The following VCAN variants were observed in gnomAD, a reference collection of about 807,000 sequenced individuals.
VCAN encodes the protein versican, also known as versican core protein.
Under a neutral mutation model 245.5 loss-of-function variants are expected in VCAN, and 44 were observed. The observed-to-expected ratio is 0.18, with a 90% CI of 0.14 to 0.23. VCAN has a LOEUF of 0.23. VCAN is among the 10% of genes least tolerant of loss of function. The pLI, the probability that VCAN is intolerant of heterozygous loss-of-function variation, is 1.00. For missense variants in VCAN, 3,793 were observed against 4,057.9 expected (o/e 0.93, Z 1.77); for synonymous variants, 1,413 against 1,437.0 (o/e 0.98, Z 0.38).
At chr5:83,515,861 G>A (rs375377912) in intron 6 of VCAN, among the ~76,000 whole-genome samples, 39 of 152,156 alleles carry the variant, frequency 2.6e-4, no homozygotes, top group Admixed American at 2.6e-4. Context: ...ACCTTTCCCC[G>A]ATTGGTATAT....
chr5:83,573,777 A>G lies in VCAN; in HGVS notation c.9880+1217A>G, dbSNP rs550279920. On this transcript the variant is annotated intron_variant, in intron 13 of 14. Coordinates refer to ENST00000265077, the MANE Select transcript of VCAN (RefSeq NM_004385.5). ...GGTTGTAATTGTGTGCACCAGCTTT[A>G]TAACGGTGGTCATCTGAAATACCAT... Among the ~76,000 whole-genome samples, 12 of 152,288 alleles carry G rather than the reference A, an allele frequency of 7.9e-5. No homozygotes were observed. In the South Asian group the frequency reaches 2.3e-3, roughly 29 times the overall value.
chr5:83,554,789 G>A (rs999117744), intron 11 of VCAN, among the ~76,000 whole-genome samples, 167 bp from the exon 12 acceptor site: 1 of 151,956 alleles, frequency 6.6e-6, no homozygotes, highest in African/African-American at 2.4e-5. Context: ...AAGCACATTG[G>A]GCAGAAGAAC....
rs765865001 is a variant in VCAN at position 83,541,377 on chromosome 5, G to A, written c.8374G>A (p.Val2792Ile). 1.9e-6 allele frequency: 3 copies of A among 1,613,978 alleles called. No homozygotes were observed. The African/African-American group carries it at 4.0e-5, about 22-fold the overall frequency. ...TACTACCCACCTTATGGATCAGAGT[G>A]TAACAGAGGTGCCTGATGTGATGGA... ...IATTHLMDQS[V>I]TEVPDVMEGS... Residue 2792 changes from valine (V) to isoleucine (I), a missense_variant, in exon 8 of 15, where the codon GTA becomes ATA. By Grantham distance (29) the Val-to-Ile change is conservative. Transcript: ENST00000265077.
At chr5:83,477,947 T>C (rs1198595324) in intron 1 of VCAN, among the ~76,000 whole-genome samples, 7 of 146,476 alleles carry the variant, frequency 4.8e-5, no homozygotes, top group Non-Finnish European at 8.8e-5. Flanking sequence ...AAAATAATTT[T>C]TTTCTTTTTT....
chr5:83,519,212 C>T lies in VCAN; in HGVS notation c.1043-137C>T, dbSNP rs890598056. ...GGTTAATTCAAGTATAGTTTTAAGA[C>T]TCCTCTCCATCACAGAACATTTCTG... is the stretch of plus-strand genomic sequence containing the variant. On this transcript the variant is annotated intron_variant, in intron 6 of 14. Transcript: ENST00000265077. 36 of 757,374 alleles carry T rather than the reference C, an allele frequency of 4.8e-5. No homozygotes were observed. The African/African-American group carries it at 5.6e-4, about 12-fold the overall frequency. The allele number at this position is 757,374 out of a possible 1,614,324, so 46.9% of individuals were successfully genotyped here.
chr5:83,476,538 A>G (rs140418479), intron 1 of VCAN, among the ~76,000 whole-genome samples: 14 of 152,326 alleles, frequency 9.2e-5, no homozygotes, highest in African/African-American at 3.4e-4. Context: ...AACACAAAGC[A>G]TGTACTCTCC....
intron 13 of VCAN, among the ~76,000 whole-genome samples, chr5:83,576,606 A>C (rs2112505891): frequency 6.6e-6 from 1 of 152,248 alleles, no homozygotes; most frequent in East Asian, 1.9e-4. Flanking sequence ...TTGCTGAGTC[A>C]TAGGATATAT....
chr5:83,522,084 C>T lies in VCAN; in HGVS notation c.3778C>T (p.Pro1260Ser). The T allele has an allele frequency of 6.2e-7, 1 of 1,614,192 alleles. No individual in the cohort carries two copies. Among genetic ancestry groups the T allele is most frequent in the Non-Finnish European group, 8.5e-7 (1 of 1,180,032 alleles). Residue 1260 changes from proline to serine, a missense_variant, in exon 7 of 15, where the codon CCC becomes TCC. Pro to Ser is a moderately conservative substitution (Grantham distance 74, BLOSUM62 -1). This residue lies in a region of VCAN where 3,182 missense variants were observed against 3,250.3 expected (regional missense o/e 0.98). Transcript: ENST00000265077. ...IIGESTSHVP[P>S]TTLEDIVAKE... ...TGGAGAATCAACATCTCATGTTCCT[C>T]CCACTACCCTTGAAGATATTGTAGC...
At chr5:83,552,084 CAG>C (rs1221186705) in intron 10 of VCAN, among the ~76,000 whole-genome samples, 1 of 152,188 alleles carries the variant, frequency 6.6e-6, no homozygotes, top group African/African-American at 2.4e-5. Flanking sequence ...ATACTGCTCT[CAG>C]ATAAGCTGCA....
Position 83,545,670 on chromosome 5 carries a change from A to G in VCAN, c.9379+20A>G, listed in dbSNP as rs763923706. ...AACTTGGTAAGATGGTACTTGGCTG[A>G]AAAGGTGCAGTTCTTTCACAGAAGA... is the stretch of plus-strand genomic sequence containing the variant. On this transcript the variant is annotated intron_variant, in intron 9 of 14. Coordinates refer to ENST00000265077, the MANE Select transcript of VCAN (RefSeq NM_004385.5). The G allele has an allele frequency of 6.4e-7, 1 of 1,573,216 alleles. No individual in the cohort carries two copies. Among genetic ancestry groups the G allele is most frequent in the South Asian group, 1.1e-5 (1 of 90,248 alleles).
chr5:83,520,447 G>A lies in VCAN; in HGVS notation c.2141G>A (p.Gly714Glu). 1 of 1,613,850 alleles carries A rather than the reference G, an allele frequency of 6.2e-7. No homozygotes were observed. Among genetic ancestry groups the A allele is most frequent in the Non-Finnish European group, 8.5e-7 (1 of 1,179,920 alleles). ...GAGATCACTAAAAGTCCATTTATGG[G>A]AAAAACAGAAGAAGAAGTCTTCTCT... Reference protein sequence around the residue: ...QEEITKSPFMGKTEEEVFSGM... With the variant: ...QEEITKSPFMEKTEEEVFSGM... Residue 714 changes from glycine (G) to glutamate (E), a missense_variant, in exon 7 of 15, where the codon GGA (glycine) becomes GAA (glutamate). Physicochemically the swap from Gly to Glu is moderately conservative, Grantham distance 98. Coordinates refer to ENST00000265077, the MANE Select transcript of VCAN (RefSeq NM_004385.5).
chr5:83,527,107 C>T (rs530952344), intron 7 of VCAN, among the ~76,000 whole-genome samples: 5 of 152,306 alleles, frequency 3.3e-5, no homozygotes, highest in African/African-American at 9.6e-5. Context: ...CTGTCAATTC[C>T]TGAAAGAGCA....
chr5:83,526,950 C>T (rs1384610800), intron 7 of VCAN, among the ~76,000 whole-genome samples: 1 of 152,154 alleles, frequency 6.6e-6, no homozygotes, highest in African/African-American at 2.4e-5. Context: ...GATAGTCAAA[C>T]GAAGGTACAC....
intron 12 of VCAN, among the ~76,000 whole-genome samples, chr5:83,561,196 C>T (rs702501): frequency 0.23 from 34,656 of 151,970 alleles, 4,347 homozygotes; most frequent in Admixed American, 0.29. Flanking sequence ...TCACAGCTTC[C>T]TTCTTCTCAC....
At chr5:83,571,552 GAT>G (rs141754417) in intron 12 of VCAN, among the ~76,000 whole-genome samples, 2 of 150,942 alleles carry the variant, frequency 1.3e-5, no homozygotes, top group African/African-American at 2.4e-5. Context: ...CTCAGAGTAG[GAT>G]ATATATATAT....
In VCAN at chr5:83,512,306, G is replaced by T. The variant is rs1025294202; in HGVS notation, c.952G>T (p.Gly318Cys). 2.5e-5 allele frequency: 41 copies of T among 1,613,616 alleles called. No individual in the cohort carries two copies. Among genetic ancestry groups the T allele is most frequent in the Non-Finnish European group, 2.9e-5 (34 of 1,179,732 alleles). ...VTVARAQCGG[G>C]LLGVRTLYRF... ...TGTGGCCAGGGCCCAGTGTGGAGGT[G>T]GTCTACTTGGGGTGAGAACCCTGTA... The change falls in exon 6 of 15, where the codon GGT (glycine) becomes TGT (cysteine). Residue 318 changes from glycine (G) to cysteine (C), a missense_variant. Physicochemically the swap from Gly to Cys is radical, Grantham distance 159 (BLOSUM62 -3). This residue lies in a region of VCAN where 190 missense variants were observed against 288.6 expected (regional missense o/e 0.66). Transcript: ENST00000265077.
At chr5:83,545,978 A>T (rs1580053958) in intron 9 of VCAN, among the ~76,000 whole-genome samples, 2 of 152,282 alleles carry the variant, frequency 1.3e-5, no homozygotes, top group South Asian at 4.1e-4. Context: ...ATAAAAATCA[A>T]TTTCAGTATA....
intron 7 of VCAN, among the ~76,000 whole-genome samples, chr5:83,528,288 G>A (rs1267802711): frequency 6.6e-6 from 1 of 152,194 alleles, no homozygotes; most frequent in African/African-American, 2.4e-5. Context: ...GTCAGTCTCT[G>A]TTGGAGGGAT....
Position 83,580,507 on chromosome 5 carries a change from T to A in VCAN, c.*73T>A. 1 of 1,595,146 alleles carries A rather than the reference T, an allele frequency of 6.3e-7. No homozygotes were observed. Among genetic ancestry groups the A allele is most frequent in the Non-Finnish European group, 8.6e-7 (1 of 1,169,538 alleles). ...AACTTCCTGTGCCTTTCCTATCACC[T>A]CGAGAAGTAATTATCAGTTGGTTTG... On this transcript the variant is annotated 3_prime_UTR_variant, in exon 15 of 15. Coordinates refer to ENST00000265077, the MANE Select transcript of VCAN (RefSeq NM_004385.5).
Sources: allele counts gnomAD v4.1 joint callset (sites outside exome capture counted in the v4.1 genomes callset), GRCh38; gene constraint gnomAD v4.1.1; regional missense constraint gnomAD v4.1.1; transcripts MANE v1.5; gene names NCBI Gene and HGNC (gene_info 2026-07-23, HGNC 2026-07-21).